The following SLC6A11 variants were observed in gnomAD, a reference collection of about 807,000 sequenced individuals.
The protein encoded by SLC6A11 is solute carrier family 6 member 11.
A neutral mutation model predicts 74.8 loss-of-function variants in SLC6A11; 25 were observed. The ratio of observed to expected loss-of-function variants is 0.33; its 90% CI spans 0.24 to 0.47. The LOEUF is 0.47. Among genes scored for constraint, SLC6A11 ranks in the 20% least tolerant of loss-of-function variants. SLC6A11 has a pLI of 1.00. For missense variants in SLC6A11, 574 were observed against 837.0 expected (o/e 0.69, Z 3.88); for synonymous variants, 330 against 330.2 (o/e 1.00, Z 0.01).
At chr3:10,829,936 T>C (rs1318571245) in intron 4 of SLC6A11, among the ~76,000 whole-genome samples, 7 of 152,174 alleles carry the variant, frequency 4.6e-5, no homozygotes, top group Non-Finnish European at 1.5e-5. Context: ...TTAATTGTTC[T>C]TTTGACATTT....
intron 6 of SLC6A11, among the ~76,000 whole-genome samples, chr3:10,887,931 T>A (rs901427916): frequency 6.6e-6 from 1 of 152,236 alleles, no homozygotes; most frequent in Non-Finnish European, 1.5e-5. Flanking sequence ...TGAAGCCTCT[T>A]CATTAAGAAC....
At chr3:10,877,534 T>C (rs1694924512) in intron 6 of SLC6A11, among the ~76,000 whole-genome samples, 1 of 152,224 alleles carries the variant, frequency 6.6e-6, no homozygotes, top group South Asian at 2.1e-4. Flanking sequence ...GGGTGTTTTA[T>C]TGACTGCACA....
intron 13 of SLC6A11, 30 bp from the exon 14 acceptor site, chr3:10,938,220 C>G (rs1695780827): frequency 6.4e-7 from 1 of 1,561,812 alleles, no homozygotes; most frequent in Non-Finnish European, 8.7e-7. Context: ...GCTAATCACT[C>G]AGATCTTCCC....
intron 5 of SLC6A11, among the ~76,000 whole-genome samples, chr3:10,861,444 G>A (rs989232817): frequency 2.4e-4 from 37 of 152,104 alleles, no homozygotes; most frequent in African/African-American, 7.7e-4. Context: ...TTGAGCCCAG[G>A]AAGTCAAGAC....
intron 4 of SLC6A11, among the ~76,000 whole-genome samples, chr3:10,841,436 C>A (rs552313539): frequency 6.6e-6 from 1 of 152,168 alleles, no homozygotes; most frequent in Non-Finnish European, 1.5e-5. Context: ...GAATCTGGCC[C>A]CTGAGCCCCC....
At chr3:10,875,571 C>G (rs74663625) in intron 6 of SLC6A11, among the ~76,000 whole-genome samples, 6,084 of 152,306 alleles carry the variant, frequency 0.04, 175 homozygotes, top group Middle Eastern at 0.078. Context: ...TCACAGATCT[C>G]TGCAGTAGTG....
chr3:10,920,269 G>C (rs1695518979), intron 8 of SLC6A11, among the ~76,000 whole-genome samples: 1 of 152,126 alleles, frequency 6.6e-6, no homozygotes, highest in South Asian at 2.1e-4. Flanking sequence ...CAAATTGAAA[G>C]AATACTCATT....
chr3:10,878,332 C>G (rs181578145), intron 6 of SLC6A11, among the ~76,000 whole-genome samples: 4 of 151,976 alleles, frequency 2.6e-5, no homozygotes, highest in East Asian at 1.9e-4. Flanking sequence ...TGCTGTTTCT[C>G]TGCTGGAAAC....
In SLC6A11 at chr3:10,928,598, C is replaced by A. The variant is rs190100098; in HGVS notation, c.1234-604C>A. On this transcript the variant is annotated intron_variant, in intron 9 of 13. Coordinates refer to ENST00000254488, the MANE Select transcript of SLC6A11 (RefSeq NM_014229.3). ...AGTGGCTCAGACTCAGCCACTGATG[C>A]CTGCATCGTTTGGCTGGGGCCCAAA... 4.8e-3 allele frequency among the ~76,000 whole-genome samples: 728 copies of A among 152,290 alleles called. 2 individuals are homozygous for A. The highest frequency in any genetic ancestry group is 7.9e-3 in the Non-Finnish European group (540 of 68,012).
At chr3:10,833,823 GTAAACATATT>G (rs1238726383) in intron 4 of SLC6A11, among the ~76,000 whole-genome samples, 1 of 152,198 alleles carries the variant, frequency 6.6e-6, no homozygotes, top group Non-Finnish European at 1.5e-5. Context: ...GATCATTACA[GTAAACATATT>G]TGTGTATAAA....
intron 4 of SLC6A11, among the ~76,000 whole-genome samples, chr3:10,836,192 GTACTTCA>G (rs1694364794): frequency 6.6e-6 from 1 of 152,186 alleles, no homozygotes; most frequent in Non-Finnish European, 1.5e-5. Flanking sequence ...GCATGAATCA[GTACTTCA>G]TTGCTTTTGT....
At chr3:10,823,763 G>C (rs1288248780) in intron 4 of SLC6A11, 1 of 194,982 alleles carries the variant, frequency 5.1e-6, no homozygotes, top group Non-Finnish European at 1.1e-5. Flanking sequence ...TAAGTCTCTA[G>C]AGGGGATAGG....
rs1481184016 is a variant in SLC6A11 at position 10,925,891 on chromosome 3, G to A, written c.1121-113G>A. 7 of 676,092 alleles carry A rather than the reference G, an allele frequency of 1.0e-5. No homozygotes were observed. In the African/African-American group the frequency reaches 1.1e-4, roughly 10 times the overall value. The allele number at this position is 676,092 out of a possible 1,614,324, so 41.9% of individuals were successfully genotyped here. A position where few individuals can be genotyped will look rare whatever the true frequency, so the allele number is the denominator to read the frequency against. On this transcript the variant is annotated intron_variant, in intron 8 of 13. Transcript: ENST00000254488. ...GGAAACAGAAGTGATTTGAGTGAGA[G>A]GCAGGCACAGTGCCTGGCGCAGAGG...
At chr3:10,845,402 A>G (rs749221749) in intron 5 of SLC6A11, among the ~76,000 whole-genome samples, 2 of 152,160 alleles carry the variant, frequency 1.3e-5, no homozygotes, top group Non-Finnish European at 2.9e-5. Context: ...AAAAGAGGGA[A>G]ATGAAGCGTC....
intron 4 of SLC6A11, among the ~76,000 whole-genome samples, chr3:10,837,669 C>G (rs1415778293): frequency 1.3e-5 from 2 of 152,174 alleles, no homozygotes; most frequent in East Asian, 3.9e-4. Flanking sequence ...ACCCTTATAC[C>G]CCTAGACCGT....
chr3:10,882,183 C>T (rs760847115), intron 6 of SLC6A11, among the ~76,000 whole-genome samples: 11 of 152,198 alleles, frequency 7.2e-5, no homozygotes, highest in Non-Finnish European at 1.5e-4. Context: ...GCTGAGACGG[C>T]ACAGCAAGTC....
intron 6 of SLC6A11, among the ~76,000 whole-genome samples, chr3:10,885,597 T>A (rs901026): frequency 0.19 from 25,629 of 138,376 alleles, 2,895 homozygotes; most frequent in Middle Eastern, 0.29. Flanking sequence ...GCCCCCATGA[T>A]AAAAAAAAAA....
At position 10,843,271 on chromosome 3, in the gene SLC6A11, C is replaced by T. The variant is rs191638339; in HGVS notation, c.624-943C>T. Among the ~76,000 whole-genome samples the T allele has an allele frequency of 6.2e-4, 95 of 152,272 alleles. 1 individual carries two copies. In the Middle Eastern group the frequency reaches 0.024, roughly 38 times the overall value. Reference sequence around the variant, plus strand: ...TTAGCTTAGCTCACCCGGAGTCCTCCCTGTCCTGTGGCCTGGGCCCTCTGG... The same window carrying T: ...TTAGCTTAGCTCACCCGGAGTCCTCTCTGTCCTGTGGCCTGGGCCCTCTGG... On this transcript the variant is annotated intron_variant, in intron 4 of 13. Coordinates refer to ENST00000254488, the MANE Select transcript of SLC6A11 (RefSeq NM_014229.3).
chr3:10,833,091 C>T (rs1263661405), intron 4 of SLC6A11, among the ~76,000 whole-genome samples: 13 of 152,116 alleles, frequency 8.5e-5, no homozygotes, highest in African/African-American at 2.2e-4. Flanking sequence ...GACAGAGTTT[C>T]GCTCTTGTCG....
Sources: allele counts gnomAD v4.1 joint callset (sites outside exome capture counted in the v4.1 genomes callset), GRCh38; gene constraint gnomAD v4.1.1; transcripts MANE v1.5; gene names NCBI Gene and HGNC (gene_info 2026-07-23, HGNC 2026-07-21).